The following RNF217 variants were observed in gnomAD, a reference collection of about 807,000 sequenced individuals.
RNF217 encodes the protein E3 ubiquitin-protein ligase RNF217.
Under a neutral mutation model 57.8 loss-of-function variants are expected in RNF217, and 31 were observed. The ratio of observed to expected loss-of-function variants is 0.54; its 90% CI spans 0.40 to 0.72. The LOEUF (loss-of-function observed/expected upper bound fraction) is 0.72, where lower values mean the gene tolerates loss of function less well. RNF217 is among the 30% of genes least tolerant of loss of function. RNF217 has a pLI of 0.00. For missense variants in RNF217, 696 were observed against 708.3 expected, an observed-to-expected ratio of 0.98 and a Z score of 0.20; for synonymous variants, 313 against 294.0, an observed-to-expected ratio of 1.06 and a Z score of -0.66.
intron 1 of RNF217, among the ~76,000 whole-genome samples, chr6:125,013,300 G>A (rs1785478425): frequency 1.3e-5 from 2 of 151,376 alleles, no homozygotes; most frequent in Non-Finnish European, 2.9e-5. Context: ...AACATAAGAG[G>A]AAGGGTAGGA....
intron 1 of RNF217, among the ~76,000 whole-genome samples, chr6:124,982,537 A>T (rs1265173295): frequency 6.6e-6 from 1 of 150,438 alleles, no homozygotes; most frequent in Non-Finnish European, 1.5e-5. Context: ...CCAGCCTCCA[A>T]AAAAAAAAGG....
intron 3 of RNF217, among the ~76,000 whole-genome samples, chr6:125,072,267 T>C (rs968161811): frequency 6.6e-6 from 1 of 152,156 alleles, no homozygotes; most frequent in African/African-American, 2.4e-5. Context: ...CAAGATATAT[T>C]CATAATAATA....
At position 125,021,560 on chromosome 6, in the gene RNF217, C is replaced by T. The variant is rs567705795; in HGVS notation, c.883-23651C>T. Among the ~76,000 whole-genome samples the T allele has an allele frequency of 4.1e-4, 63 of 152,072 alleles. 1 individual carries two copies. The highest frequency in any genetic ancestry group is 3.4e-3 in the Middle Eastern group (1 of 292). ...GATTACAGGCGTGAGCCACTGCACC[C>T]GGCCAGAAAATGCTTACCTTATGTT... On this transcript the variant is annotated intron_variant, in intron 1 of 5. Transcript: ENST00000521654.
intron 1 of RNF217, among the ~76,000 whole-genome samples, chr6:124,984,028 G>A (rs1290254290): frequency 6.6e-6 from 1 of 152,100 alleles, no homozygotes; most frequent in Non-Finnish European, 1.5e-5. Context: ...CTGTTTATTA[G>A]GGTAGAGCCC....
At chr6:125,004,819 T>C (rs1785113614) in intron 1 of RNF217, among the ~76,000 whole-genome samples, 1 of 152,224 alleles carries the variant, frequency 6.6e-6, no homozygotes, top group Non-Finnish European at 1.5e-5. Flanking sequence ...TACAGGTTTT[T>C]TCAGTAGTTG....
At position 125,041,827 on chromosome 6, in the gene RNF217, C is replaced by T. The variant is rs768455115; in HGVS notation, c.883-3384C>T. On this transcript the variant is annotated intron_variant, in intron 1 of 5. Coordinates refer to ENST00000521654, the MANE Select transcript of RNF217 (RefSeq NM_001286398.3). Reference sequence around the variant, plus strand: ...CTTATCTTTCCAGAAGTCCATCACACTACCTAGCCCATAAAAACCACATTT... The same window carrying T: ...CTTATCTTTCCAGAAGTCCATCACATTACCTAGCCCATAAAAACCACATTT... 8.3e-4 allele frequency among the ~76,000 whole-genome samples: 127 copies of T among 152,126 alleles called. 1 individual carries two copies. The highest frequency in any genetic ancestry group is 2.9e-4 in the Non-Finnish European group (20 of 67,988).
chr6:125,014,618 G>T (rs1785537069), intron 1 of RNF217, among the ~76,000 whole-genome samples: 1 of 152,018 alleles, frequency 6.6e-6, no homozygotes. Context: ...AGCCAATTAT[G>T]GTCAGAAGCA....
At chr6:125,059,201 A>G (rs1372346915) in intron 3 of RNF217, among the ~76,000 whole-genome samples, 1 of 152,210 alleles carries the variant, frequency 6.6e-6, no homozygotes, top group Non-Finnish European at 1.5e-5. Context: ...AATTTTTGAA[A>G]TAGTTTAGAT....
intron 1 of RNF217, chr6:124,971,673 C>G (rs1783766941): frequency 6.3e-6 from 1 of 159,856 alleles, no homozygotes; most frequent in Admixed American, 6.5e-5. Flanking sequence ...CCAGGATGGT[C>G]TTGATCTCTT....
chr6:125,057,852 T>C lies in RNF217; in HGVS notation c.1117-90T>C, dbSNP rs186544779. 6.3e-6 allele frequency: 7 copies of C among 1,118,716 alleles called. No homozygotes were observed. The African/African-American group carries it at 6.3e-5, about 10-fold the overall frequency. The allele number at this position is 1,118,716 out of a possible 1,614,324, so 69.3% of individuals were successfully genotyped here. On this transcript the variant is annotated intron_variant, in intron 2 of 5. Transcript: ENST00000521654. Reference sequence around the variant, plus strand: ...GGGAGGTATTTTAAATTATAAACTTTTAGCTAATTTCCCCAAGCATCACCT... The same window carrying C: ...GGGAGGTATTTTAAATTATAAACTTCTAGCTAATTTCCCCAAGCATCACCT...
intron 1 of RNF217, among the ~76,000 whole-genome samples, chr6:124,994,128 GAAAA>G (rs915504895): frequency 6.6e-6 from 1 of 150,750 alleles, no homozygotes; most frequent in African/African-American, 2.4e-5. Context: ...TTAGCCTAGA[GAAAA>G]AAAAATATGT....
chr6:125,035,155 T>C (rs1786550584), intron 1 of RNF217, among the ~76,000 whole-genome samples: 1 of 152,306 alleles, frequency 6.6e-6, no homozygotes, highest in African/African-American at 2.4e-5. Flanking sequence ...AGGGACAATT[T>C]GACTTCCTCT....
intron 4 of RNF217, among the ~76,000 whole-genome samples, chr6:125,080,291 G>A (rs1788525887): frequency 1.3e-5 from 2 of 152,064 alleles, no homozygotes; most frequent in Non-Finnish European, 2.9e-5. Flanking sequence ...TCTAGACATG[G>A]TGCTAATGGA....
At chr6:125,043,684 A>G (rs1489078646) in intron 1 of RNF217, among the ~76,000 whole-genome samples, 1 of 152,112 alleles carries the variant, frequency 6.6e-6, no homozygotes, top group Non-Finnish European at 1.5e-5. Flanking sequence ...AAAATAATTG[A>G]TTCTAAAACG....
At chr6:124,972,195 C>T (rs1005637550) in intron 1 of RNF217, among the ~76,000 whole-genome samples, 1 of 152,184 alleles carries the variant, frequency 6.6e-6, no homozygotes, top group South Asian at 2.1e-4. Flanking sequence ...CATCATTGAG[C>T]TATTCTTCTC....
intron 1 of RNF217, among the ~76,000 whole-genome samples, chr6:125,027,407 G>A (rs1298769795): frequency 1.3e-5 from 2 of 152,066 alleles, no homozygotes; most frequent in African/African-American, 4.8e-5. Flanking sequence ...AACATGCAAT[G>A]TTTGTCTTTC....
intron 2 of RNF217, among the ~76,000 whole-genome samples, chr6:125,052,713 C>G (rs1787372900): frequency 6.6e-6 from 1 of 152,112 alleles, no homozygotes; most frequent in African/African-American, 2.4e-5. Context: ...TTTCTCCTCT[C>G]TATAACATGC....
chr6:125,021,772 T>C (rs1032365755), intron 1 of RNF217, among the ~76,000 whole-genome samples: 2 of 152,172 alleles, frequency 1.3e-5, no homozygotes, highest in African/African-American at 4.8e-5. Flanking sequence ...CAAACACAGG[T>C]GACCTTACTT....
chr6:124,971,595 A>G (rs758373107), intron 1 of RNF217: 12 of 213,124 alleles, frequency 5.6e-5, no homozygotes, highest in South Asian at 5.0e-4. Context: ...AGTTGGGACT[A>G]CAGGTGCGTG....
Sources: gnomAD v4.1 joint callset for allele counts (sites outside exome capture counted in the v4.1 genomes callset) on GRCh38, gnomAD v4.1.1 for gene constraint, MANE v1.5 for transcripts, NCBI Gene and HGNC (gene_info 2026-07-23, HGNC 2026-07-21) for gene names.